Variants in RMND1 observed in about 807,000 individuals in gnomAD.
RMND1 encodes the protein required for meiotic nuclear division 1 homolog.
In RMND1, 41 loss-of-function variants were observed where a neutral mutation model predicts 54.0. That is an observed-to-expected ratio of 0.76 (90% confidence interval 0.59 to 0.98). The LOEUF is 0.98. Among genes scored for constraint, RMND1 ranks in the 50% least tolerant of loss-of-function variants. The pLI is 0.00. For missense variants in RMND1, 457 were observed against 532.0 expected (o/e 0.86, Z 1.39); for synonymous variants, 183 against 181.7 (o/e 1.01, Z -0.06).
intron 10 of RMND1, among the ~76,000 whole-genome samples, chr6:151,413,159 T>C (rs1457952894): frequency 6.6e-6 from 1 of 152,246 alleles, no homozygotes; most frequent in East Asian, 1.9e-4. Context: ...ATCTCTGAGA[T>C]GACTGCAGCC....
chr6:151,451,267 A>G (rs1383007972), intron 1 of RMND1, among the ~76,000 whole-genome samples: 2 of 151,182 alleles, frequency 1.3e-5, no homozygotes, highest in Admixed American at 6.6e-5. Flanking sequence ...GCATTTCTCC[A>G]TTGTTTAACA....
At chr6:151,447,420 A>G (rs1780988744) in intron 1 of RMND1, among the ~76,000 whole-genome samples, 1 of 152,220 alleles carries the variant, frequency 6.6e-6, no homozygotes, top group South Asian at 2.1e-4. Context: ...GCTTCACCTC[A>G]TAATGATCCC....
intron 8 of RMND1, 121 bp downstream of exon 8, chr6:151,422,420 G>A (rs1033969560): frequency 2.0e-6 from 1 of 491,752 alleles, no homozygotes; most frequent in Non-Finnish European, 3.6e-6. Context: ...GTATCCAGTG[G>A]GGTCTTGGAA....
chr6:151,434,409 A>ATTTTT (rs11398229), intron 3 of RMND1, among the ~76,000 whole-genome samples: 38 of 146,578 alleles, frequency 2.6e-4, no homozygotes, highest in African/African-American at 9.5e-4. Context: ...CAAAACTGTG[A>ATTTTT]TTTTTTTTTT....
intron 10 of RMND1, among the ~76,000 whole-genome samples, chr6:151,406,993 C>G (rs1047149387): frequency 1.3e-5 from 2 of 151,880 alleles, no homozygotes; most frequent in African/African-American, 4.8e-5. Flanking sequence ...AACCCTGTCT[C>G]TACAAAAAAA....
Position 151,449,060 on chromosome 6 carries a change from C to CAAAAA in RMND1, c.-15+2951_-15+2955dup, listed in dbSNP as rs71014585. 9.6e-4 allele frequency among the ~76,000 whole-genome samples: 18 copies of CAAAAA among 18,678 alleles called. 3 individuals carry two copies. In the East Asian group the frequency reaches 0.01, roughly 11 times the overall value. 12.3% of individuals were successfully genotyped at this position (18,678 alleles called of 152,430 possible). On this transcript the variant is annotated intron_variant, in intron 1 of 11. Transcript: ENST00000444024. Reference sequence around the variant, plus strand: ...TGAGCAACAAAGCGAGACTCTGTCTCAAAAAAAAAAAAAAAAAAAAAAAAA... The same window carrying CAAAAA: ...TGAGCAACAAAGCGAGACTCTGTCTCAAAAAAAAAAAAAAAAAAAAAAAAAAAAAA...
intron 10 of RMND1, among the ~76,000 whole-genome samples, chr6:151,407,244 C>T (rs1779656306): frequency 6.6e-6 from 1 of 152,130 alleles, no homozygotes; most frequent in Admixed American, 6.5e-5. Context: ...GTTATGGTCA[C>T]CCTGTAGTTT....
intron 4 of RMND1, 110 bp from the exon 5 acceptor site, chr6:151,430,287 A>G: frequency 1.4e-6 from 1 of 703,204 alleles, no homozygotes. Context: ...CGATTTTTCA[A>G]AATATGATGG....
intron 1 of RMND1, among the ~76,000 whole-genome samples, chr6:151,447,896 C>A (rs1037974807): frequency 6.6e-6 from 1 of 150,796 alleles, no homozygotes; most frequent in African/African-American, 2.5e-5. Flanking sequence ...TCACTGCAAC[C>A]TCCGCCTCCC....
intron 3 of RMND1, among the ~76,000 whole-genome samples, chr6:151,435,665 C>T (rs1246483005): frequency 6.6e-6 from 1 of 151,456 alleles, no homozygotes; most frequent in Admixed American, 6.6e-5. Flanking sequence ...GGTGATCTGC[C>T]CGCCTCGGCC....
At position 151,427,472 on chromosome 6, in the gene RMND1, A is replaced by T; in HGVS notation, c.830+10T>A. The T allele has an allele frequency of 6.6e-7, 1 of 1,522,906 alleles. No homozygotes were observed. Among genetic ancestry groups the T allele is most frequent in the Non-Finnish European group, 9.1e-7 (1 of 1,098,682 alleles). The allele number at this position is 1,522,906 out of a possible 1,614,324, so 94.3% of individuals were successfully genotyped here. A position where few individuals can be genotyped will look rare whatever the true frequency, so the allele number is the denominator to read the frequency against. ...TGCCCCTTTCATAAATTTGATGAAA[A>T]GTTGCTTACTCTATTTTTATGTAGT... On this transcript the variant is annotated intron_variant, in intron 6 of 11. Coordinates refer to ENST00000444024, the MANE Select transcript of RMND1 (RefSeq NM_017909.4).
chr6:151,412,355 C>A (rs1779871222), intron 10 of RMND1, among the ~76,000 whole-genome samples: 1 of 151,356 alleles, frequency 6.6e-6, no homozygotes, highest in South Asian at 2.1e-4. Flanking sequence ...GGGGGTATCA[C>A]TATGTTGACC....
At chr6:151,443,248 A>G (rs1780837338) in intron 2 of RMND1, among the ~76,000 whole-genome samples, 1 of 152,198 alleles carries the variant, frequency 6.6e-6, no homozygotes, top group South Asian at 2.1e-4. Context: ...TTCTCTATGA[A>G]AAGTAAAATC....
chr6:151,414,389 A>G (rs966653295), intron 10 of RMND1, among the ~76,000 whole-genome samples: 1 of 152,234 alleles, frequency 6.6e-6, no homozygotes, highest in African/African-American at 2.4e-5. Flanking sequence ...ATATCAAGCC[A>G]GAACACTTGA....
chr6:151,405,732 G>T lies in RMND1; in HGVS notation c.1305C>A (p.Leu435=). The change falls in exon 11 of 12, where the codon CTC becomes CTA. Residue 435 remains leucine (L), a synonymous_variant. Transcript: ENST00000444024. ...ALRLEWMIVI[L]ITIEVMFELG... ...ATTTCCATCTTACCTCTATGGTAAT[G>T]AGGATGACAATCATCCACTCCAAGC... 1 of 1,532,162 alleles carries T rather than the reference G, an allele frequency of 6.5e-7. No individual in the cohort carries two copies. The highest frequency in any genetic ancestry group is 9.0e-7 in the Non-Finnish European group (1 of 1,105,698). 94.9% of individuals were successfully genotyped at this position (1,532,162 alleles called of 1,614,324 possible).
At chr6:151,408,917 T>C (rs1431763750) in intron 10 of RMND1, 1 of 152,232 alleles carries the variant, frequency 6.6e-6, no homozygotes, top group East Asian at 1.9e-4. Context: ...AACAGTAAGA[T>C]GACAAATTTC....
At chr6:151,416,487 G>C (rs180725237) in intron 10 of RMND1, 2 of 135,438 alleles carry the variant, frequency 1.5e-5, no homozygotes, top group Non-Finnish European at 3.0e-5. Context: ...GCACTGGCTC[G>C]ACCTTGGCTC....
chr6:151,445,909 T>A, intron 1 of RMND1, 84 bp from the exon 2 acceptor site: 1 of 1,273,730 alleles, frequency 7.9e-7, no homozygotes, highest in East Asian at 2.5e-5. Flanking sequence ...CAGGCATATT[T>A]CTGTTAGAAA....
At chr6:151,448,340 C>A (rs1336316866) in intron 1 of RMND1, among the ~76,000 whole-genome samples, 5 of 152,114 alleles carry the variant, frequency 3.3e-5, no homozygotes. Context: ...AGTCAATGAT[C>A]CAACCACCTT....
Sources: gnomAD v4.1 joint callset for allele counts (sites outside exome capture counted in the v4.1 genomes callset) on GRCh38, gnomAD v4.1.1 for gene constraint, MANE v1.5 for transcripts, NCBI Gene and HGNC (gene_info 2026-07-23, HGNC 2026-07-21) for gene names.